The following PDE4D variants were observed in gnomAD, a reference collection of about 807,000 sequenced individuals.
PDE4D encodes the protein phosphodiesterase 4D.
PDE4D carries 24 observed loss-of-function variants against 87.4 expected under a neutral mutation model. The observed-to-expected ratio is 0.27, with a 90% CI of 0.20 to 0.39. The LOEUF (loss-of-function observed/expected upper bound fraction) is 0.39, where lower values mean the gene tolerates loss of function less well. Ranked by LOEUF, PDE4D falls within the 10% of genes least tolerant of loss-of-function variation. The pLI is 1.00. For synonymous variants in PDE4D, 384 were observed against 383.2 expected (o/e 1.00, Z -0.02); for missense variants, 714 against 1,041.0 (o/e 0.69, Z 4.32).
intron 1 of PDE4D, among the ~76,000 whole-genome samples, chr5:59,492,665 G>C (rs1333210533): frequency 6.6e-6 from 1 of 152,120 alleles, no homozygotes; most frequent in African/African-American, 2.4e-5. Flanking sequence ...AATAATACCA[G>C]GGAAGTTTAT....
intron 1 of PDE4D, among the ~76,000 whole-genome samples, chr5:59,639,512 A>G (rs962956281): frequency 1.3e-5 from 2 of 152,190 alleles, no homozygotes; most frequent in African/African-American, 4.8e-5. Flanking sequence ...GGTAGAATCA[A>G]CATGGTACAG....
intron 1 of PDE4D, among the ~76,000 whole-genome samples, chr5:59,750,868 A>G (rs1760342621): frequency 1.3e-5 from 2 of 150,802 alleles, no homozygotes; most frequent in African/African-American, 4.9e-5. Context: ...CCAGAGCCCA[A>G]GAGGTCAAGG....
chr5:59,075,862 C>A (rs967584861), intron 5 of PDE4D, among the ~76,000 whole-genome samples: 8 of 151,836 alleles, frequency 5.3e-5, no homozygotes, highest in Non-Finnish European at 1.2e-4. Flanking sequence ...TTTAAAGACC[C>A]ATACTATCTT....
intron 2 of PDE4D, among the ~76,000 whole-genome samples, chr5:60,003,925 G>A (rs902290202): frequency 2.0e-5 from 3 of 152,002 alleles, no homozygotes; most frequent in African/African-American, 7.2e-5. Flanking sequence ...ATATACAATG[G>A]GGAAATAATA....
intron 1 of PDE4D, among the ~76,000 whole-genome samples, chr5:59,683,308 G>A (rs987580091): frequency 6.6e-6 from 1 of 152,112 alleles, no homozygotes; most frequent in Non-Finnish European, 1.5e-5. Flanking sequence ...ACATTTGGGG[G>A]ATATTGGTGA....
intron 1 of PDE4D, among the ~76,000 whole-genome samples, chr5:59,680,220 G>A (rs1251218080): frequency 4.6e-5 from 7 of 152,118 alleles, no homozygotes; most frequent in Non-Finnish European, 7.4e-5. Context: ...ACCCACATAT[G>A]CATTTGGAAT....
chr5:59,963,751 C>T (rs967082178), intron 3 of PDE4D, among the ~76,000 whole-genome samples: 2 of 152,048 alleles, frequency 1.3e-5, no homozygotes, highest in African/African-American at 4.8e-5. Context: ...ATATAACACC[C>T]TCTTCTCACT....
intron 1 of PDE4D, among the ~76,000 whole-genome samples, chr5:60,336,670 G>A (rs541580842): frequency 6.6e-6 from 1 of 152,234 alleles, no homozygotes; most frequent in African/African-American, 2.4e-5. Flanking sequence ...TCTCTTTTTA[G>A]GTTGTCACAA....
chr5:60,315,065 T>A (rs577069422), intron 1 of PDE4D, among the ~76,000 whole-genome samples: 3 of 152,200 alleles, frequency 2.0e-5, no homozygotes, highest in Non-Finnish European at 2.9e-5. Context: ...CACCACACTG[T>A]CTTCCACAAT....
chr5:59,734,579 T>G (rs994866941), intron 1 of PDE4D, among the ~76,000 whole-genome samples: 9 of 152,038 alleles, frequency 5.9e-5, no homozygotes, highest in Non-Finnish European at 1.0e-4. Context: ...GTAAAGTGGG[T>G]TTTTTTGGCC....
intron 1 of PDE4D, among the ~76,000 whole-genome samples, chr5:59,776,761 A>G (rs1561645684): frequency 6.6e-6 from 1 of 152,166 alleles, no homozygotes; most frequent in Non-Finnish European, 1.5e-5. Flanking sequence ...TCAGGGCTTA[A>G]GTTACCTTTT....
chr5:59,239,672 TA>T (rs919338119), intron 1 of PDE4D, among the ~76,000 whole-genome samples: 2 of 152,188 alleles, frequency 1.3e-5, no homozygotes, highest in Non-Finnish European at 2.9e-5. Flanking sequence ...AATGGCCCCT[TA>T]GTAAAAAATA....
chr5:59,885,446 C>G (rs1315934824), intron 1 of PDE4D, among the ~76,000 whole-genome samples: 1 of 152,102 alleles, frequency 6.6e-6, no homozygotes, highest in African/African-American at 2.4e-5. Flanking sequence ...TTCAGCCACC[C>G]CAACGATAAT....
intron 1 of PDE4D, among the ~76,000 whole-genome samples, chr5:59,394,300 A>G (rs1459326279): frequency 6.6e-6 from 1 of 152,214 alleles, no homozygotes; most frequent in African/African-American, 2.4e-5. Flanking sequence ...ATAGTTTGTG[A>G]AAGGGAAATT....
rs1742164504 is a variant in PDE4D, at chr5:58,969,064, T to G, written c.*5600A>C. On this transcript the variant is annotated 3_prime_UTR_variant, in exon 15 of 15. Coordinates refer to ENST00000340635, the MANE Select transcript of PDE4D (RefSeq NM_001104631.2). ...TTTTATGGTATCAAGTTAAAAACTC[T>G]TTAATATCTCAAAATATCTTATCAG... 2 of 152,214 alleles carry G rather than the reference T, an allele frequency of 1.3e-5. No individual in the cohort carries two copies. Among genetic ancestry groups the G allele is most frequent in the Non-Finnish European group, 2.9e-5 (2 of 68,048 alleles). 9.4% of individuals were successfully genotyped at this position (152,214 alleles called of 1,614,324 possible).
At chr5:60,460,420 G>T (rs1746833155) in intron 1 of PDE4D, 1 of 1,246,396 alleles carries the variant, frequency 8.0e-7, no homozygotes, top group Non-Finnish European at 1.2e-6. Context: ...CTCCAGCAGG[G>T]CAGACACTTG....
chr5:59,976,429 A>C (rs1761341464), intron 3 of PDE4D, among the ~76,000 whole-genome samples: 1 of 151,984 alleles, frequency 6.6e-6, no homozygotes, highest in South Asian at 2.1e-4. Context: ...TTATTGTGAG[A>C]TCTAATTGTT....
At position 59,719,877 on chromosome 5, in the gene PDE4D, C is replaced by G. The variant is rs1378599317; in HGVS notation, c.455+173291G>C. On this transcript the variant is annotated intron_variant, in intron 1 of 14. Transcript: ENST00000340635. ...TATTCATTCTCCTATTCCAAAATTCCAAAATTACCACTTTATGCAAAAAGC... is the reference window on the plus strand; with the variant it reads ...TATTCATTCTCCTATTCCAAAATTCGAAAATTACCACTTTATGCAAAAAGC... 2.0e-5 allele frequency among the ~76,000 whole-genome samples: 3 copies of G among 152,102 alleles called. No homozygotes were observed. The South Asian group carries it at 6.2e-4, about 32-fold the overall frequency.
chr5:59,822,339 T>A (rs1769793452), intron 1 of PDE4D, among the ~76,000 whole-genome samples: 3 of 152,316 alleles, frequency 2.0e-5, no homozygotes, highest in South Asian at 2.1e-4. Context: ...TTGTAATTTT[T>A]AAATTTTGTT....
Sources: gnomAD v4.1 joint callset for allele counts (sites outside exome capture counted in the v4.1 genomes callset) on GRCh38, gnomAD v4.1.1 for gene constraint, MANE v1.5 for transcripts, NCBI Gene and HGNC (gene_info 2026-07-23, HGNC 2026-07-21) for gene names.